MRPL1: variants seen among roughly 807,000 people sequenced by gnomAD.
MRPL1 encodes the protein mitochondrial ribosomal protein L1, also known as large ribosomal subunit protein uL1m.
Under a neutral mutation model 38.0 loss-of-function variants are expected in MRPL1, and 28 were observed. That is an observed-to-expected ratio of 0.74 (90% CI 0.55 to 1.01). The LOEUF (loss-of-function observed/expected upper bound fraction) is 1.01, where lower values mean the gene tolerates loss of function less well. Ranked by LOEUF, MRPL1 falls within the 50% of genes least tolerant of loss-of-function variation. The probability of loss-of-function intolerance (pLI) is 0.00; values close to 1 mark genes in which losing one functional copy is unlikely to be tolerated. For synonymous variants in MRPL1, 123 were observed against 126.7 expected, an observed-to-expected ratio of 0.97 and a Z score of 0.20; for missense variants, 358 against 389.8, an observed-to-expected ratio of 0.92 and a Z score of 0.69.
chr4:77,867,819 C>T (rs998554698), intron 1 of MRPL1, among the ~76,000 whole-genome samples: 2 of 144,348 alleles, frequency 1.4e-5, no homozygotes, highest in East Asian at 2.1e-4. Context: ...GGCAGTGGCA[C>T]GATCTCGGCT....
chr4:77,926,885 G>A (rs1403480678), intron 7 of MRPL1, among the ~76,000 whole-genome samples: 2 of 151,958 alleles, frequency 1.3e-5, no homozygotes, highest in South Asian at 2.1e-4. Context: ...CTGGGATTTC[G>A]GGCGTGAGCT....
At chr4:77,908,526 C>A (rs974244754) in intron 6 of MRPL1, among the ~76,000 whole-genome samples, 1 of 152,152 alleles carries the variant, frequency 6.6e-6, no homozygotes, top group Non-Finnish European at 1.5e-5. Context: ...AGCCACCATG[C>A]CTGGCCAGTG....
intron 7 of MRPL1, among the ~76,000 whole-genome samples, chr4:77,935,305 C>T (rs1736940241): frequency 6.6e-6 from 1 of 152,146 alleles, no homozygotes; most frequent in Non-Finnish European, 1.5e-5. Flanking sequence ...AATATATAAA[C>T]ATATAACAAC....
intron 1 of MRPL1, among the ~76,000 whole-genome samples, chr4:77,864,229 T>C (rs1164678134): frequency 1.3e-5 from 2 of 152,172 alleles, no homozygotes; most frequent in Non-Finnish European, 2.9e-5. Flanking sequence ...ATTATAATTT[T>C]CTTGTCACAT....
intron 7 of MRPL1, among the ~76,000 whole-genome samples, chr4:77,944,849 A>T (rs1251984164): frequency 6.6e-6 from 1 of 152,102 alleles, no homozygotes; most frequent in African/African-American, 2.4e-5. Flanking sequence ...AAGATCACGA[A>T]CTTGTAATAG....
At chr4:77,864,095 C>T (rs376826861) in intron 1 of MRPL1, among the ~76,000 whole-genome samples, 6 of 151,484 alleles carry the variant, frequency 4.0e-5, no homozygotes, top group African/African-American at 1.5e-4. Context: ...AACAACAGAC[C>T]CTGATGCCTA....
intron 1 of MRPL1, among the ~76,000 whole-genome samples, chr4:77,867,264 G>A (rs1488412832): frequency 6.6e-6 from 1 of 152,200 alleles, no homozygotes; most frequent in African/African-American, 2.4e-5. Context: ...GCTAGCACAT[G>A]TTTCATTGGC....
intron 6 of MRPL1, among the ~76,000 whole-genome samples, chr4:77,897,036 G>T (rs1458344646): frequency 6.6e-6 from 1 of 151,700 alleles, no homozygotes; most frequent in Admixed American, 6.6e-5. Flanking sequence ...TTATAAATTA[G>T]CATTTAGAAA....
chr4:77,866,973 C>A (rs1041456077), intron 1 of MRPL1, among the ~76,000 whole-genome samples: 2 of 151,994 alleles, frequency 1.3e-5, no homozygotes, highest in South Asian at 2.1e-4. Flanking sequence ...GTCTCGACCT[C>A]CTGACCTCGT....
Position 77,863,279 on chromosome 4 carries a change from T to A in MRPL1, c.31+400T>A, listed in dbSNP as rs6827822. On this transcript the variant is annotated intron_variant, in intron 1 of 8. Coordinates refer to ENST00000315567, the MANE Select transcript of MRPL1 (RefSeq NM_020236.4). ...TTAGAGCAATTTTCAAAGTGCTTTT[T>A]GGTGCTTTCGGAATTACTTCGTTAT... Among the ~76,000 whole-genome samples, 688 of 151,956 alleles carry A rather than the reference T, an allele frequency of 4.5e-3. 7 individuals are homozygous for A. Among genetic ancestry groups the A allele is most frequent in the African/African-American group, 0.016 (663 of 41,338 alleles).
chr4:77,881,230 T>C (rs1735533396), intron 2 of MRPL1, among the ~76,000 whole-genome samples: 1 of 152,110 alleles, frequency 6.6e-6, no homozygotes, highest in South Asian at 2.1e-4. Flanking sequence ...AGGTAAAGAA[T>C]TGGGACCAAT....
intron 4 of MRPL1, 131 bp from the exon 5 acceptor site, chr4:77,887,089 A>G: frequency 1.3e-6 from 1 of 774,934 alleles, no homozygotes; most frequent in South Asian, 1.7e-5. Flanking sequence ...GCATCCAGCC[A>G]CATTTTCAAT....
In MRPL1 at chr4:77,890,730, A is replaced by C. The variant is rs1268797540; in HGVS notation, c.559-3409A>C. On this transcript the variant is annotated intron_variant, in intron 5 of 8. Transcript: ENST00000315567. ...CAGATGACACGATTGTATATTTAGA[A>C]AACCCCATCGTCTCAGCCCCAAATC... Among the ~76,000 whole-genome samples the C allele has an allele frequency of 4.6e-5, 7 of 152,236 alleles. No individual in the cohort carries two copies. In the East Asian group the frequency reaches 1.3e-3, roughly 29 times the overall value.
intron 4 of MRPL1, 101 bp from the exon 5 acceptor site, chr4:77,887,119 T>A (rs1578043028): frequency 1.0e-6 from 1 of 953,358 alleles, no homozygotes; most frequent in East Asian, 2.6e-5. Flanking sequence ...AAGCTACAAT[T>A]TGTACTTTGA....
chr4:77,901,095 T>G (rs1736025362), intron 6 of MRPL1, among the ~76,000 whole-genome samples: 1 of 152,102 alleles, frequency 6.6e-6, no homozygotes, highest in Non-Finnish European at 1.5e-5. Flanking sequence ...GTAAAGCAGA[T>G]TTGGGTATGA....
chr4:77,867,483 C>T (rs1310960306), intron 1 of MRPL1, among the ~76,000 whole-genome samples: 2 of 152,178 alleles, frequency 1.3e-5, no homozygotes, highest in South Asian at 4.1e-4. Context: ...CATTTCCTGC[C>T]CATGATGCTT....
intron 7 of MRPL1, among the ~76,000 whole-genome samples, chr4:77,911,192 T>G (rs1736280221): frequency 6.6e-6 from 1 of 152,186 alleles, no homozygotes; most frequent in Non-Finnish European, 1.5e-5. Context: ...CTATTGTTAT[T>G]GTTTTGGTTG....
chr4:77,905,496 CA>C (rs374398968), intron 6 of MRPL1, among the ~76,000 whole-genome samples: 9,136 of 62,416 alleles, frequency 0.15, 111 homozygotes, highest in South Asian at 0.25. Flanking sequence ...GACTCCGTCT[CA>C]AAAAAAAAAA....
intron 7 of MRPL1, among the ~76,000 whole-genome samples, chr4:77,921,096 C>T (rs1312367585): frequency 6.6e-6 from 1 of 152,120 alleles, no homozygotes; most frequent in Non-Finnish European, 1.5e-5. Context: ...GCATATCACA[C>T]CAAATCTAGT....
Sources: gnomAD v4.1 joint callset for allele counts (sites outside exome capture counted in the v4.1 genomes callset) on GRCh38, gnomAD v4.1.1 for gene constraint, MANE v1.5 for transcripts, NCBI Gene and HGNC (gene_info 2026-07-23, HGNC 2026-07-21) for gene names.